Variants in TTC28 observed in about 807,000 individuals in gnomAD.
The protein encoded by TTC28 is tetratricopeptide repeat domain 28.
TTC28 carries 61 observed loss-of-function variants against 198.0 expected under a neutral mutation model. That is an observed-to-expected ratio of 0.31 (90% CI 0.25 to 0.38). TTC28 has a LOEUF of 0.38. TTC28 is among the 10% of genes least tolerant of loss of function. The probability of loss-of-function intolerance (pLI) is 1.00; values close to 1 mark genes in which losing one functional copy is unlikely to be tolerated. For synonymous variants in TTC28, 1,171 were observed against 1,297.8 expected (o/e 0.90, Z 2.10); for missense variants, 2,678 against 3,164.0 (o/e 0.85, Z 3.69).
chr22:28,203,758 T>TA (rs1419213951), intron 5 of TTC28, among the ~76,000 whole-genome samples: 2 of 152,098 alleles, frequency 1.3e-5, no homozygotes, highest in African/African-American at 4.8e-5. Flanking sequence ...TTGTTATCCA[T>TA]AAATTTATTA....
intron 2 of TTC28, among the ~76,000 whole-genome samples, chr22:28,455,233 AG>A (rs1465948677): frequency 6.6e-6 from 1 of 152,246 alleles, no homozygotes. Context: ...AGCTGAGGTT[AG>A]GTACATATCA....
chr22:28,494,966 T>TA (rs1191381990), intron 2 of TTC28, among the ~76,000 whole-genome samples: 1 of 151,138 alleles, frequency 6.6e-6, no homozygotes, highest in Non-Finnish European at 1.5e-5. Context: ...ATTTTAGAAA[T>TA]AAAAAGGAAT....
intron 2 of TTC28, among the ~76,000 whole-genome samples, chr22:28,339,732 C>T (rs182862565): frequency 4.6e-5 from 7 of 152,282 alleles, no homozygotes; most frequent in East Asian, 3.9e-4. Context: ...TTGCTAAGAC[C>T]GTTGGAAAAG....
At chr22:28,410,538 T>C (rs1404100019) in intron 2 of TTC28, among the ~76,000 whole-genome samples, 1 of 152,194 alleles carries the variant, frequency 6.6e-6, no homozygotes, top group African/African-American at 2.4e-5. Context: ...GGAACATAGA[T>C]TGTATTCGTG....
At chr22:28,418,261 G>T (rs985005232) in intron 2 of TTC28, among the ~76,000 whole-genome samples, 2 of 152,098 alleles carry the variant, frequency 1.3e-5, no homozygotes, top group African/African-American at 2.4e-5. Context: ...TTAACTGCCA[G>T]GAAAATGCTG....
chr22:28,187,628 A>T (rs1241882934), intron 5 of TTC28, among the ~76,000 whole-genome samples: 4 of 152,202 alleles, frequency 2.6e-5, no homozygotes, highest in Non-Finnish European at 5.9e-5. Context: ...TAACAAGATA[A>T]ATAGTAGTCC....
chr22:28,084,881 C>T (rs567840528), intron 12 of TTC28, among the ~76,000 whole-genome samples: 2 of 152,034 alleles, frequency 1.3e-5, no homozygotes, highest in African/African-American at 4.8e-5. Context: ...CCTCAGTAGT[C>T]GATGCGATCA....
chr22:28,629,670 T>C lies in TTC28; in HGVS notation c.263A>G (p.Asp88Gly). Residue 88 changes from aspartate to glycine, a missense_variant, in exon 2 of 23, where the codon GAC becomes GGC. Physicochemically the swap from Asp to Gly is moderately conservative, Grantham distance 94. This residue lies in a region of TTC28 where 176 missense variants were observed against 197.9 expected (regional missense o/e 0.89). Coordinates refer to ENST00000397906, the MANE Select transcript of TTC28 (RefSeq NM_001145418.2). ...GCTGTATAAGATGCAGTTCTGAGGGTCAACAGCCAGGGCTTCATTATACAG... is the reference window on the plus strand; with the variant it reads ...GCTGTATAAGATGCAGTTCTGAGGGCCAACAGCCAGGGCTTCATTATACAG... ...IVLYNEALAV[D>G]PQNCILYSNR... is the part of the protein sequence containing the mutation. 6.4e-7 allele frequency: 1 copy of C among 1,551,612 alleles called. No homozygotes were observed. Among genetic ancestry groups the C allele is most frequent in the South Asian group, 1.2e-5 (1 of 84,048 alleles).
intron 5 of TTC28, among the ~76,000 whole-genome samples, chr22:28,286,589 G>A (rs535986520): frequency 6.6e-6 from 1 of 152,152 alleles, no homozygotes; most frequent in African/African-American, 2.4e-5. Context: ...GGTTACTTCT[G>A]GAAAAGACAG....
chr22:28,163,667 T>C, intron 5 of TTC28, 68 bp from the exon 6 acceptor site: 1 of 1,452,226 alleles, frequency 6.9e-7, no homozygotes, highest in South Asian at 1.4e-5. Context: ...TTTTGGCAGA[T>C]AAAATTTTAC....
chr22:28,626,665 T>G (rs1213395019), intron 2 of TTC28, among the ~76,000 whole-genome samples: 1 of 152,078 alleles, frequency 6.6e-6, no homozygotes, highest in African/African-American at 2.4e-5. Flanking sequence ...TAAATTAATT[T>G]TATTATCATA....
chr22:28,363,496 C>T (rs1019577532), intron 2 of TTC28, among the ~76,000 whole-genome samples: 3 of 152,142 alleles, frequency 2.0e-5, no homozygotes, highest in African/African-American at 4.8e-5. Context: ...AATGTGGGGT[C>T]GAAGCCCCCA....
intron 2 of TTC28, among the ~76,000 whole-genome samples, chr22:28,461,358 G>T (rs552109461): frequency 1.3e-5 from 2 of 152,018 alleles, no homozygotes; most frequent in Non-Finnish European, 2.9e-5. Context: ...TAGACCGTAT[G>T]GTCTTGTAGA....
chr22:28,331,458 T>C (rs893543196), intron 2 of TTC28, among the ~76,000 whole-genome samples: 4 of 152,102 alleles, frequency 2.6e-5, no homozygotes, highest in African/African-American at 4.8e-5. Context: ...ACAGAATAGA[T>C]AGCCAATGAT....
At chr22:27,998,134 G>C (rs184132466) in intron 16 of TTC28, 1 of 218,062 alleles carries the variant, frequency 4.6e-6, no homozygotes, top group Non-Finnish European at 9.1e-6. Flanking sequence ...TTACCCCTGA[G>C]AACACAGCTT....
At chr22:28,450,043 C>G (rs2047757471) in intron 2 of TTC28, among the ~76,000 whole-genome samples, 1 of 151,862 alleles carries the variant, frequency 6.6e-6, no homozygotes, top group African/African-American at 2.4e-5. Flanking sequence ...CTTAGAGGCA[C>G]AGGGATGTGA....
At chr22:28,292,390 G>A (rs978256433) in intron 5 of TTC28, among the ~76,000 whole-genome samples, 2 of 152,162 alleles carry the variant, frequency 1.3e-5, no homozygotes, top group Non-Finnish European at 2.9e-5. Flanking sequence ...GTTTCACTAT[G>A]TTGCCCAAGC....
intron 1 of TTC28, among the ~76,000 whole-genome samples, chr22:28,651,465 G>A (rs1439476601): frequency 6.6e-6 from 1 of 152,114 alleles, no homozygotes; most frequent in Non-Finnish European, 1.5e-5. Flanking sequence ...GCCTAGGCTG[G>A]AGTACAGTGG....
At chr22:28,085,765 C>T (rs1941567040) in intron 12 of TTC28, among the ~76,000 whole-genome samples, 1 of 151,956 alleles carries the variant, frequency 6.6e-6, no homozygotes, top group Non-Finnish European at 1.5e-5. Flanking sequence ...TTCAGGAAAC[C>T]CACCTCACGT....
Sources: gnomAD v4.1 joint callset for allele counts (sites outside exome capture counted in the v4.1 genomes callset) on GRCh38, gnomAD v4.1.1 for gene constraint, gnomAD v4.1.1 regional missense constraint, MANE v1.5 for transcripts, NCBI Gene and HGNC (gene_info 2026-07-23, HGNC 2026-07-21) for gene names.